Variants in DNAH9 observed in about 807,000 individuals in gnomAD.
DNAH9 encodes the protein dynein axonemal heavy chain 9, also known as DNAH9 variant protein.
Under a neutral mutation model 471.6 loss-of-function variants are expected in DNAH9, and 345 were observed. The observed-to-expected ratio is 0.73, with a 90% CI of 0.67 to 0.80. DNAH9 has a LOEUF of 0.80. Among genes scored for constraint, DNAH9 ranks in the 30% least tolerant of loss-of-function variants. The pLI, the probability that DNAH9 is intolerant of heterozygous loss-of-function variation, is 0.00. For missense variants in DNAH9, 5,407 were observed against 5,609.2 expected (o/e 0.96, Z 1.15); for synonymous variants, 2,093 against 2,123.6 (o/e 0.99, Z 0.40).
At chr17:11,636,521 A>G in intron 8 of DNAH9, 113 bp from the exon 9 acceptor site, 2 of 730,016 alleles carry the variant, frequency 2.7e-6, no homozygotes, top group South Asian at 3.6e-5. Flanking sequence ...AACACTGTTC[A>G]CTCTTCTTAC....
intron 41 of DNAH9, among the ~76,000 whole-genome samples, chr17:11,785,106 G>C (rs73978409): frequency 6.6e-6 from 1 of 151,996 alleles, no homozygotes; most frequent in East Asian, 1.9e-4. Flanking sequence ...TAGTGATGGC[G>C]TATCTCTGCC....
intron 1 of DNAH9, 103 bp from the exon 2 acceptor site, chr17:11,608,026 C>CAA: frequency 1.2e-6 from 1 of 846,502 alleles, no homozygotes; most frequent in Non-Finnish European, 1.8e-6. Context: ...CAGTGACCTG[C>CAA]AAAAGGTTGT....
intron 41 of DNAH9, among the ~76,000 whole-genome samples, chr17:11,786,718 G>A (rs1187242083): frequency 6.6e-6 from 1 of 152,198 alleles, no homozygotes; most frequent in East Asian, 1.9e-4. Context: ...AATTCACGGT[G>A]ACAAAAGGCT....
At chr17:11,798,882 G>GC (rs1969352245) in intron 43 of DNAH9, among the ~76,000 whole-genome samples, 1 of 151,950 alleles carries the variant, frequency 6.6e-6, no homozygotes, top group Non-Finnish European at 1.5e-5. Flanking sequence ...CACCCCAATG[G>GC]CACATTTAAG....
chr17:11,709,271 T>C (rs888894923), intron 26 of DNAH9, among the ~76,000 whole-genome samples: 3 of 152,220 alleles, frequency 2.0e-5, no homozygotes, highest in Non-Finnish European at 4.4e-5. Flanking sequence ...TGGTGAATAC[T>C]ATACAGACCT....
chr17:11,905,279 C>A (rs551107423), intron 60 of DNAH9, among the ~76,000 whole-genome samples: 45 of 151,252 alleles, frequency 3.0e-4, no homozygotes, highest in Non-Finnish European at 5.4e-4. Flanking sequence ...GGCCTTAAAT[C>A]TTGGGCAAGG....
intron 32 of DNAH9, among the ~76,000 whole-genome samples, chr17:11,749,540 G>A (rs1967062522): frequency 6.6e-6 from 1 of 150,984 alleles, no homozygotes; most frequent in Admixed American, 6.6e-5. Context: ...TAGCATCTGG[G>A]ATTTCTATTA....
chr17:11,952,309 CTTTTTTTTTTTTTTT>C (rs753276964), intron 67 of DNAH9, among the ~76,000 whole-genome samples: 4 of 71,086 alleles, frequency 5.6e-5, no homozygotes, highest in African/African-American at 2.5e-4. Context: ...CCAGCTAATT[CTTTTTTTTTTTTTTT>C]TTTTTTTTTT....
chr17:11,824,403 G>T (rs73980506), intron 48 of DNAH9, among the ~76,000 whole-genome samples: 1 of 151,992 alleles, frequency 6.6e-6, no homozygotes, highest in Non-Finnish European at 1.5e-5. Flanking sequence ...GTGAGCCCTC[G>T]CAATCTGTAC....
intron 38 of DNAH9, among the ~76,000 whole-genome samples, chr17:11,779,218 T>C (rs1209671127): frequency 6.6e-6 from 1 of 152,112 alleles, no homozygotes; most frequent in East Asian, 1.9e-4. Flanking sequence ...GGCTTGAGTT[T>C]CCAGGCTTGT....
intron 43 of DNAH9, among the ~76,000 whole-genome samples, chr17:11,804,411 C>T (rs1439022998): frequency 6.6e-6 from 1 of 152,080 alleles, no homozygotes; most frequent in Non-Finnish European, 1.5e-5. Context: ...TGAAAACATA[C>T]ATAAAAGGGT....
At chr17:11,883,515 A>G in intron 55 of DNAH9, 71 bp from the exon 56 acceptor site, 1 of 1,562,166 alleles carries the variant, frequency 6.4e-7, no homozygotes, top group Non-Finnish European at 8.7e-7. Context: ...CTCTCGCCCT[A>G]TTCAGACACA....
Position 11,863,761 on chromosome 17 carries a change from T to C in DNAH9, c.9934-5373T>C, listed in dbSNP as rs1395891324. Among the ~76,000 whole-genome samples the C allele has an allele frequency of 3.4e-4, 37 of 109,060 alleles. No individual in the cohort carries two copies. In the East Asian group the frequency reaches 7.1e-3, roughly 21 times the overall value. The allele number at this position is 109,060 out of a possible 152,430, so 71.5% of individuals were successfully genotyped here. A position where few individuals can be genotyped will look rare whatever the true frequency, so the allele number is the denominator to read the frequency against. On this transcript the variant is annotated intron_variant, in intron 50 of 68. Coordinates refer to ENST00000262442, the MANE Select transcript of DNAH9 (RefSeq NM_001372.4). ...TGGTTTAGTCTTGGGAGAGTGTATGTGTCGAGGAATTTATCCATTTCTTCT... is the reference window on the plus strand; with the variant it reads ...TGGTTTAGTCTTGGGAGAGTGTATGCGTCGAGGAATTTATCCATTTCTTCT...
chr17:11,711,088 C>G (rs2074819745), intron 26 of DNAH9, among the ~76,000 whole-genome samples: 3 of 152,134 alleles, frequency 2.0e-5, no homozygotes, highest in Admixed American at 1.3e-4. Flanking sequence ...GAAGATAGAC[C>G]CTCTCTTGCC....
intron 38 of DNAH9, among the ~76,000 whole-genome samples, chr17:11,772,028 A>C (rs1597623822): frequency 6.6e-6 from 1 of 152,178 alleles, no homozygotes. Flanking sequence ...GACCCCAGAG[A>C]GTCTGACTTC....
At chr17:11,690,555 T>C (rs1192057444) in intron 20 of DNAH9, 119 bp downstream of exon 20, 2 of 934,154 alleles carry the variant, frequency 2.1e-6, no homozygotes, top group Non-Finnish European at 3.1e-6. Flanking sequence ...TGACTTTACT[T>C]AAAGGCACTT....
Position 11,812,830 on chromosome 17 carries a change from T to A in DNAH9, c.8707+2461T>A, listed in dbSNP as rs540727005. ...TCTCATCACCTTCTGCAATAGTGTT[T>A]AATCTACAACATAGCCTCATCTTTT... On this transcript the variant is annotated intron_variant, in intron 45 of 68. Coordinates refer to ENST00000262442, the MANE Select transcript of DNAH9 (RefSeq NM_001372.4). Among the ~76,000 whole-genome samples, 29 of 152,320 alleles carry A rather than the reference T, an allele frequency of 1.9e-4. No homozygotes were observed. The South Asian group carries it at 5.6e-3, about 29-fold the overall frequency.
chr17:11,694,652 TTCTCG>T (rs1320116833), intron 22 of DNAH9, among the ~76,000 whole-genome samples: 1 of 1,334 alleles, frequency 7.5e-4, no homozygotes, highest in African/African-American at 8.8e-4. Flanking sequence ...CTTTCTCGCT[TTCTCG>T]CTTTCTCGCT....
chr17:11,609,519 T>C (rs2191073), intron 2 of DNAH9, among the ~76,000 whole-genome samples: 151,131 of 152,296 alleles, frequency 0.99, 74,996 homozygotes, highest in East Asian at 1. Flanking sequence ...TCCTTTAATA[T>C]CTTCCACAAT....
Sources: gnomAD v4.1 joint callset for allele counts (sites outside exome capture counted in the v4.1 genomes callset) on GRCh38, gnomAD v4.1.1 for gene constraint, MANE v1.5 for transcripts, NCBI Gene and HGNC (gene_info 2026-07-23, HGNC 2026-07-21) for gene names.